The following FAM120B variants were observed in gnomAD, a reference collection of about 807,000 sequenced individuals.
The protein encoded by FAM120B is family with sequence similarity 120 member B, also known as constitutive coactivator of peroxisome proliferator-activated receptor gamma.
FAM120B carries 83 observed loss-of-function variants against 96.3 expected under a neutral mutation model. The observed-to-expected ratio is 0.86, with a 90% confidence interval of 0.72 to 1.03. The LOEUF (loss-of-function observed/expected upper bound fraction) is 1.03. Ranked by LOEUF, FAM120B falls within the 50% of genes least tolerant of loss-of-function variation. The pLI, the probability that FAM120B is intolerant of heterozygous loss-of-function variation, is 0.00. For missense variants in FAM120B, 1,027 were observed against 1,121.2 expected (o/e 0.92, Z 1.20); for synonymous variants, 407 against 402.7 (o/e 1.01, Z -0.13).
At position 170,388,271 on chromosome 6, in the gene FAM120B, G is replaced by T. The variant is rs539799234; in HGVS notation, c.2284-16G>T. The T allele has an allele frequency of 1.4e-5, 23 of 1,611,978 alleles. No individual in the cohort carries two copies. The highest frequency in any genetic ancestry group is 2.0e-5 in the Non-Finnish European group (23 of 1,179,184). On this transcript the variant is annotated splice_polypyrimidine_tract_variant and intron_variant, in intron 6 of 10. Coordinates refer to ENST00000476287, the MANE Select transcript of FAM120B (RefSeq NM_032448.3). The stretch of plus-strand genomic sequence containing the variant: ...CTCCTGTCTTACATTTTTGGTGTGT[G>T]TTCTGGTCTCCACAGCCTGATTACA...
intron 5 of FAM120B, among the ~76,000 whole-genome samples, chr6:170,352,242 C>G (rs895623237): frequency 1.6e-4 from 25 of 152,258 alleles, no homozygotes; most frequent in African/African-American, 5.5e-4. Flanking sequence ...GCTAACTATC[C>G]TATGTATGTA....
At chr6:170,347,909 C>CTTAATGGTCGAA (rs1787298532) in intron 4 of FAM120B, among the ~76,000 whole-genome samples, 3 of 152,158 alleles carry the variant, frequency 2.0e-5, no homozygotes, top group Non-Finnish European at 2.9e-5. Flanking sequence ...GTCGAAAGTG[C>CTTAATGGTCGAA]AGTATCCCTC....
upstream of FAM120B, chr6:170,291,198 A>G (rs1783861563): frequency 1.7e-6 from 1 of 585,796 alleles, no homozygotes; most frequent in Non-Finnish European, 3.2e-6. Flanking sequence ...ACTCATTTAC[A>G]TTCCTGCAAA....
At chr6:170,378,812 TG>T (rs1265564431) in intron 6 of FAM120B, among the ~76,000 whole-genome samples, 1 of 152,160 alleles carries the variant, frequency 6.6e-6, no homozygotes, top group African/African-American at 2.4e-5. Flanking sequence ...GTGGGCAGGG[TG>T]GGCTGCACCT....
chr6:170,316,225 A>G (rs1784893103), intron 1 of FAM120B, among the ~76,000 whole-genome samples: 1 of 152,188 alleles, frequency 6.6e-6, no homozygotes, highest in African/African-American at 2.4e-5. Context: ...TTAAATGCCT[A>G]CCACTGTCTG....
At chr6:170,355,332 A>G (rs1217051951) in intron 5 of FAM120B, among the ~76,000 whole-genome samples, 1 of 152,234 alleles carries the variant, frequency 6.6e-6, no homozygotes, top group Non-Finnish European at 1.5e-5. Flanking sequence ...CATATCAGTG[A>G]TAGACTGAGT....
Position 170,318,289 on chromosome 6 carries a change from G to A in FAM120B, c.899G>A (p.Gly300Glu), listed in dbSNP as rs770885123. Residue 300 changes from glycine (G) to glutamate (E), a missense_variant, in exon 2 of 11, where the codon GGA (glycine) becomes GAA (glutamate). This residue lies in a region of FAM120B where 880 missense variants were observed against 980.9 expected (regional missense o/e 0.90). Coordinates refer to ENST00000476287, the MANE Select transcript of FAM120B (RefSeq NM_032448.3). ...LGPNKALFYKGMASYLLPGQK... is the reference protein window; with the variant it reads ...LGPNKALFYKEMASYLLPGQK... ...CCAAACAAAGCTCTTTTTTATAAAG[G>A]AATGGCATCATATCTTTTACCAGGA... The A allele has an allele frequency of 6.2e-7, 1 of 1,614,070 alleles. No homozygotes were observed. Among genetic ancestry groups the A allele is most frequent in the South Asian group, 1.1e-5 (1 of 91,078 alleles).
chr6:170,388,486 A>G lies in FAM120B; in HGVS notation c.2483A>G (p.Glu828Gly). The G allele has an allele frequency of 6.2e-7, 1 of 1,614,090 alleles. No homozygotes were observed. The highest frequency in any genetic ancestry group is 8.5e-7 in the Non-Finnish European group (1 of 1,179,934). ...GGTTATGCTGTGGAGGTTCTTTTAG[A>G]ACAAAATGTGAGTTCACAGACACCT... ...EKGYAVEVLL[E>G]QNRSRLTKFH... Residue 828 changes from glutamate (E) to glycine (G), a missense_variant, in exon 7 of 11, where the codon GAA becomes GGA. Physicochemically the swap from Glu to Gly is moderately conservative, Grantham distance 98. Transcript: ENST00000476287.
At chr6:170,335,297 A>C (rs2115086207) in intron 4 of FAM120B, among the ~76,000 whole-genome samples, 1 of 152,064 alleles carries the variant, frequency 6.6e-6, no homozygotes, top group Non-Finnish European at 1.5e-5. Flanking sequence ...TATGAGTGAG[A>C]ACATGCGGTG....
In FAM120B at chr6:170,295,659, C is replaced by A. The variant is rs1783982290; in HGVS notation, c.48+206C>A. Among the ~76,000 whole-genome samples the A allele has an allele frequency of 6.6e-6, 1 of 152,192 alleles. No homozygotes were observed. Among genetic ancestry groups the A allele is most frequent in the Non-Finnish European group, 1.5e-5 (1 of 68,024 alleles). On this transcript the variant is annotated intron_variant, in intron 1 of 10. Coordinates refer to the FAM120B transcript ENST00000537664. This position sits in a 1 kb window ranked among gnomAD's most constrained non-coding sequence, Gnocchi z 7.8. ...TGGCCGCGGCTGCGCCGCTGGAGAC[C>A]CGGCGAGTGACTTCCCCGGTGCGGC...
At chr6:170,402,275 C>A (rs1414234598) in intron 9 of FAM120B, among the ~76,000 whole-genome samples, 1 of 152,196 alleles carries the variant, frequency 6.6e-6, no homozygotes, top group Admixed American at 6.5e-5. Flanking sequence ...GAGGTCCTCC[C>A]TAGACTCTGC....
chr6:170,343,944 C>T (rs184300389), intron 4 of FAM120B, among the ~76,000 whole-genome samples: 3 of 152,268 alleles, frequency 2.0e-5, no homozygotes, highest in East Asian at 3.9e-4. Flanking sequence ...CTGTTGCCTG[C>T]GGTGCTAGCC....
chr6:170,376,774 A>G (rs1789548801), intron 6 of FAM120B, among the ~76,000 whole-genome samples: 1 of 152,244 alleles, frequency 6.6e-6, no homozygotes, highest in African/African-American at 2.4e-5. Flanking sequence ...AGATGGGAAC[A>G]TGGAGAGGAA....
chr6:170,391,161 T>A (rs1204329418), intron 8 of FAM120B, 40 bp downstream of exon 8: 1 of 1,372,226 alleles, frequency 7.3e-7, no homozygotes, highest in East Asian at 2.3e-5. Context: ...CCCACAAGCG[T>A]AGACCCTAAC....
chr6:170,350,632 T>C (rs2092776), intron 5 of FAM120B, among the ~76,000 whole-genome samples: 149,905 of 152,320 alleles, frequency 0.98, 73,771 homozygotes, highest in East Asian at 1. Context: ...GTAGTACCTC[T>C]AGGTATGGGA....
intron 1 of FAM120B, among the ~76,000 whole-genome samples, chr6:170,296,839 G>A (rs1421327899): frequency 6.6e-6 from 1 of 152,172 alleles, no homozygotes; most frequent in Non-Finnish European, 1.5e-5. Flanking sequence ...GCTCCTTTCC[G>A]GCTGCATCCG....
chr6:170,292,487 T>G (rs549034017), upstream of FAM120B, among the ~76,000 whole-genome samples: 1 of 152,268 alleles, frequency 6.6e-6, no homozygotes, highest in South Asian at 2.1e-4. This position sits in a 1 kb window ranked among gnomAD's most constrained non-coding sequence, Gnocchi z 6.6. Context: ...TGATTGTAGC[T>G]CAGCCCCAAG....
chr6:170,393,238 C>T (rs1454702947), intron 8 of FAM120B, among the ~76,000 whole-genome samples: 1 of 151,576 alleles, frequency 6.6e-6, no homozygotes, highest in Non-Finnish European at 1.5e-5. Flanking sequence ...GAAGCCATGA[C>T]AAGCGGCTGA....
At chr6:170,307,181 G>GT (rs1784342324) in intron 1 of FAM120B, among the ~76,000 whole-genome samples, 1 of 152,212 alleles carries the variant, frequency 6.6e-6, no homozygotes, top group Non-Finnish European at 1.5e-5. Context: ...TAAGATGTGT[G>GT]TTTGGCTCCT....
Sources: gnomAD v4.1 joint callset for allele counts (sites outside exome capture counted in the v4.1 genomes callset) on GRCh38, gnomAD v4.1.1 for gene constraint, gnomAD v4.1.1 regional missense constraint, Gnocchi (gnomAD v3.1) non-coding constraint, MANE v1.5 for transcripts, NCBI Gene and HGNC (gene_info 2026-07-23, HGNC 2026-07-21) for gene names.